The following RBM33 variants were observed in gnomAD, a reference collection of about 807,000 sequenced individuals.
RBM33 encodes RNA-binding protein 33.
Under a neutral mutation model 132.6 loss-of-function variants are expected in RBM33, and 28 were observed. The observed-to-expected ratio is 0.21, with a 90% confidence interval of 0.16 to 0.29. The LOEUF is 0.29. Among genes scored for constraint, RBM33 ranks in the 10% least tolerant of loss-of-function variants. The probability of loss-of-function intolerance (pLI) is 1.00; values close to 1 mark genes in which losing one functional copy is unlikely to be tolerated. For missense variants in RBM33, 1,291 were observed against 1,518.5 expected, an observed-to-expected ratio of 0.85 and a Z score of 2.49; for synonymous variants, 634 against 593.0, an observed-to-expected ratio of 1.07 and a Z score of -1.01.
chr7:155,721,310 A>G (rs1563160255), intron 9 of RBM33, among the ~76,000 whole-genome samples: 8 of 152,200 alleles, frequency 5.3e-5, no homozygotes, highest in Admixed American at 3.9e-4. Context: ...GAGGGAGCAC[A>G]TAGTTGTCAA....
At chr7:155,703,689 A>G (rs1373396646) in intron 6 of RBM33, among the ~76,000 whole-genome samples, 1 of 152,186 alleles carries the variant, frequency 6.6e-6, no homozygotes, top group Non-Finnish European at 1.5e-5. Flanking sequence ...CCTCCCCCCA[A>G]ACAAAAGATG....
intron 14 of RBM33, among the ~76,000 whole-genome samples, chr7:155,752,745 G>C (rs1801724916): frequency 6.6e-6 from 1 of 152,156 alleles, no homozygotes; most frequent in South Asian, 2.1e-4. Context: ...TGTCACTCCT[G>C]CTCCTTCTCT....
At chr7:155,663,438 C>T (rs1798710954) in intron 1 of RBM33, among the ~76,000 whole-genome samples, 1 of 151,908 alleles carries the variant, frequency 6.6e-6, no homozygotes, top group South Asian at 2.1e-4. Flanking sequence ...ACTTACCTTA[C>T]ATGGCAAAAG....
At chr7:155,650,474 T>C (rs1299588186) in intron 1 of RBM33, among the ~76,000 whole-genome samples, 1 of 152,244 alleles carries the variant, frequency 6.6e-6, no homozygotes, top group Non-Finnish European at 1.5e-5. Context: ...GATCTCCACA[T>C]TTTGTTCTTT....
chr7:155,680,693 T>G lies in RBM33; in HGVS notation c.352T>G (p.Tyr118Asp). ...CCAATCTGGAGAACAGGAATCTGAG[T>G]ATGAACAAGAACAAGGAGAGGATGA... is the stretch of plus-strand genomic sequence containing the variant. ...NDQSGEQESEYEQEQGEDELV... is the reference protein window; with the variant it reads ...NDQSGEQESEDEQEQGEDELV... Residue 118 changes from tyrosine (Y) to aspartate (D), a missense_variant, in exon 5 of 18, where the codon TAT (tyrosine) becomes GAT (aspartate). By Grantham distance (160) the Tyr-to-Asp change is radical. Transcript: ENST00000401878. 1 of 1,612,566 alleles carries G rather than the reference T, an allele frequency of 6.2e-7. No individual in the cohort carries two copies. Among genetic ancestry groups the G allele is most frequent in the Non-Finnish European group, 8.5e-7 (1 of 1,179,308 alleles).
chr7:155,716,026 T>C (rs745516973), intron 8 of RBM33, among the ~76,000 whole-genome samples: 2 of 152,226 alleles, frequency 1.3e-5, no homozygotes, highest in Non-Finnish European at 2.9e-5. Context: ...ATTATAATTA[T>C]AATGAATTGA....
At chr7:155,761,032 A>G (rs1454750024) in intron 14 of RBM33, among the ~76,000 whole-genome samples, 1 of 152,198 alleles carries the variant, frequency 6.6e-6, no homozygotes, top group African/African-American at 2.4e-5. Context: ...GGGAGAACCC[A>G]TCTGGCTCAG....
chr7:155,700,522 A>G (rs1286785674), intron 5 of RBM33, among the ~76,000 whole-genome samples: 2 of 136,258 alleles, frequency 1.5e-5, no homozygotes, highest in East Asian at 2.3e-4. Flanking sequence ...GACTTTGTCT[A>G]TTAATTGCAA....
At chr7:155,712,942 G>A (rs544997885) in intron 8 of RBM33, among the ~76,000 whole-genome samples, 2 of 152,308 alleles carry the variant, frequency 1.3e-5, no homozygotes, top group African/African-American at 2.4e-5. Flanking sequence ...GGAGACTGTC[G>A]GGTGGCAAGG....
rs1801278873 is a variant in RBM33, at chr7:155,740,041, G to T, written c.2049+15G>T. Reference sequence around the variant, plus strand: ...GGCTCCGGCATGTAAGTGTCAAGGGGTGTCTTCCCTGTGTCTTCCTGGGAG... The same window carrying T: ...GGCTCCGGCATGTAAGTGTCAAGGGTTGTCTTCCCTGTGTCTTCCTGGGAG... On this transcript the variant is annotated intron_variant, in intron 12 of 17. Transcript: ENST00000401878. 4 of 1,516,718 alleles carry T rather than the reference G, an allele frequency of 2.6e-6. No individual in the cohort carries two copies. Among genetic ancestry groups the T allele is most frequent in the African/African-American group, 2.7e-5 (2 of 72,994 alleles). The allele number at this position is 1,516,718 out of a possible 1,614,324, so 94.0% of individuals were successfully genotyped here. A position where few individuals can be genotyped will look rare whatever the true frequency, so the allele number is the denominator to read the frequency against.
chr7:155,773,256 A>AG (rs1201876071), intron 16 of RBM33, among the ~76,000 whole-genome samples: 1 of 152,162 alleles, frequency 6.6e-6, no homozygotes, highest in Non-Finnish European at 1.5e-5. Flanking sequence ...GGACCTGCCC[A>AG]GGGACACCTG....
At chr7:155,672,705 A>G (rs1287327113) in intron 2 of RBM33, among the ~76,000 whole-genome samples, 162 bp from the exon 3 acceptor site, 1 of 147,784 alleles carries the variant, frequency 6.8e-6, no homozygotes, top group East Asian at 2.0e-4. Flanking sequence ...AGATTGCACC[A>G]TTGTACTCCA....
intron 5 of RBM33, among the ~76,000 whole-genome samples, chr7:155,681,740 A>G (rs1481521649): frequency 1.3e-5 from 2 of 152,154 alleles, no homozygotes; most frequent in Non-Finnish European, 2.9e-5. Flanking sequence ...CCCATTTGCA[A>G]TGGGAGTAGC....
chr7:155,726,211 A>G (rs948584022), intron 9 of RBM33, among the ~76,000 whole-genome samples: 5 of 152,226 alleles, frequency 3.3e-5, no homozygotes, highest in East Asian at 1.9e-4. Context: ...TTTCAATGAC[A>G]TTGTTAAGGT....
chr7:155,679,674 A>T (rs73734193), intron 4 of RBM33, among the ~76,000 whole-genome samples: 3,780 of 152,348 alleles, frequency 0.025, 143 homozygotes, highest in African/African-American at 0.085. Context: ...AATAAGTTTT[A>T]AATTATTCTA....
intron 13 of RBM33, among the ~76,000 whole-genome samples, chr7:155,743,946 C>T (rs1801432560): frequency 6.6e-6 from 1 of 152,108 alleles, no homozygotes; most frequent in African/African-American, 2.4e-5. Context: ...GCCTCTCACC[C>T]ACCTTCATTT....
chr7:155,711,375 C>A lies in RBM33; in HGVS notation c.1121C>A (p.Pro374Gln), dbSNP rs780064963. 3.2e-6 allele frequency: 5 copies of A among 1,586,024 alleles called. No homozygotes were observed. The highest frequency in any genetic ancestry group is 1.7e-4 in the Middle Eastern group (1 of 5,968). Reference protein sequence around the residue: ...QLETPRMMMTPPPVTPQQPKN... With the variant: ...QLETPRMMMTQPPVTPQQPKN... ...GAGACCCCAAGGATGATGATGACCCCGCCACCCGTGACTCCACAGCAGCCC... is the reference window on the plus strand; with the variant it reads ...GAGACCCCAAGGATGATGATGACCCAGCCACCCGTGACTCCACAGCAGCCC... Residue 374 changes from proline to glutamine, a missense_variant, in exon 8 of 18, where the codon CCG becomes CAG. Pro to Gln is a moderately conservative substitution (Grantham distance 76). Transcript: ENST00000401878.
chr7:155,690,217 T>G (rs1236839030), intron 5 of RBM33, among the ~76,000 whole-genome samples: 2 of 152,212 alleles, frequency 1.3e-5, no homozygotes, highest in African/African-American at 4.8e-5. Flanking sequence ...CCCTTTACCA[T>G]TATGTAATGC....
At chr7:155,680,991 C>T (rs987037141) in intron 5 of RBM33, 83 bp downstream of exon 5, 48 of 1,146,490 alleles carry the variant, frequency 4.2e-5, no homozygotes, top group Non-Finnish European at 5.4e-5. Context: ...ATCTATTTAC[C>T]TCCCCTGGGA....
Sources: allele counts gnomAD v4.1 joint callset (sites outside exome capture counted in the v4.1 genomes callset), GRCh38; gene constraint gnomAD v4.1.1; transcripts MANE v1.5; gene names NCBI Gene and HGNC (gene_info 2026-07-23, HGNC 2026-07-21).